Variants in CHD1L observed in about 807,000 individuals in gnomAD.
The protein encoded by CHD1L is chromodomain helicase DNA binding protein 1 like.
A neutral mutation model predicts 115.9 loss-of-function variants in CHD1L; 118 were observed. That is an observed-to-expected ratio of 1.02 (90% CI 0.88 to 1.19). The LOEUF is 1.19. CHD1L is among the 50% of genes most tolerant of loss of function. CHD1L has a pLI of 0.00. For missense variants in CHD1L, 1,179 were observed against 1,065.3 expected (o/e 1.11, Z -1.49); for synonymous variants, 411 against 387.1 (o/e 1.06, Z -0.72).
chr1:147,194,099 C>T, the CHD1L span, among the ~76,000 whole-genome samples: 2 of 152,084 alleles, frequency 1.3e-5, no homozygotes, highest in African/African-American at 4.8e-5. Flanking sequence ...CTAATGTTGA[C>T]AGTGGGGTGT....
At position 147,279,880 on chromosome 1, in the gene CHD1L, C is replaced by A. The variant is rs1384511055; in HGVS notation, c.1540-146C>A. 32 of 714,432 alleles carry A rather than the reference C, an allele frequency of 4.5e-5. No individual in the cohort carries two copies. In the East Asian group the frequency reaches 8.2e-4, roughly 18 times the overall value. The allele number at this position is 714,432 out of a possible 1,614,324, so 44.3% of individuals were successfully genotyped here. A position where few individuals can be genotyped will look rare whatever the true frequency, so the allele number is the denominator to read the frequency against. ...AACTATTAAATGGCCCTGGCTGTTA[C>A]TATCTATGATGGGGAGAGCAGAAAG... On this transcript the variant is annotated intron_variant, in intron 14 of 22. Transcript: ENST00000369258.
the CHD1L span, chr1:147,186,759 AG>A: frequency 3.4e-6 from 5 of 1,449,518 alleles, no homozygotes; most frequent in Non-Finnish European, 4.5e-6. Context: ...TGTAGGAAAA[AG>A]GAAAGTGAAT....
rs782363231 is a variant in CHD1L, at chr1:147,275,346, GTT to G, written c.1271-5_1271-4del. On this transcript the variant is annotated splice_region_variant and splice_polypyrimidine_tract_variant and intron_variant, in intron 12 of 22. Coordinates refer to ENST00000369258, the MANE Select transcript of CHD1L (RefSeq NM_004284.6). ...TGCTGATTACATTCCTTTTTGCATT[GTT>G]TTCAGGTGGAGTTGGCATGAACTTA... is the stretch of plus-strand genomic sequence containing the variant. The G allele has an allele frequency of 2.5e-6, 4 of 1,605,488 alleles. No individual in the cohort carries two copies. The highest frequency in any genetic ancestry group is 3.4e-6 in the Non-Finnish European group (4 of 1,172,690).
intron 16 of CHD1L, among the ~76,000 whole-genome samples, 180 bp from the exon 17 acceptor site, chr1:147,285,144 T>C (rs1370297523): frequency 2.0e-5 from 3 of 152,160 alleles, no homozygotes; most frequent in Admixed American, 6.5e-5. Flanking sequence ...GCCTGTGAAG[T>C]GTGTAGTATG....
At chr1:147,186,680 C>T in the CHD1L span, 3 of 1,369,034 alleles carry the variant, frequency 2.2e-6, no homozygotes, top group South Asian at 1.7e-5. Context: ...CTAGGGATTA[C>T]CACAAGGAAG....
the CHD1L span, among the ~76,000 whole-genome samples, chr1:147,207,857 C>A: frequency 9.9e-5 from 15 of 152,180 alleles, no homozygotes; most frequent in Non-Finnish European, 1.9e-4. Flanking sequence ...TATATCATCC[C>A]TGGGTCAGGA....
the CHD1L span, chr1:147,223,551 G>C: frequency 6.5e-6 from 1 of 153,518 alleles, no homozygotes; most frequent in East Asian, 1.9e-4. Context: ...AGCCACCCAA[G>C]ATGCCAATAG....
the CHD1L span, among the ~76,000 whole-genome samples, chr1:147,190,691 T>C: frequency 6.6e-6 from 1 of 152,158 alleles, no homozygotes; most frequent in Non-Finnish European, 1.5e-5. Flanking sequence ...TTTTTTGTTT[T>C]TATTATTATA....
At chr1:147,277,148 A>G (rs1444688516) in intron 14 of CHD1L, among the ~76,000 whole-genome samples, 2 of 152,212 alleles carry the variant, frequency 1.3e-5, no homozygotes, top group African/African-American at 2.4e-5. Flanking sequence ...TTTTAGGAAG[A>G]TAAAGAGAAT....
intron 9 of CHD1L, among the ~76,000 whole-genome samples, chr1:147,268,006 T>C (rs1674627058): frequency 6.6e-6 from 1 of 152,162 alleles, no homozygotes. Context: ...CCAATGGTTA[T>C]TTGTTAGTTC....
chr1:147,212,334 TC>T, the CHD1L span: 1 of 1,580,238 alleles, frequency 6.3e-7, no homozygotes, highest in Non-Finnish European at 8.7e-7. Context: ...ACCTGCAGCT[TC>T]CTTGGAGAAA....
intron 20 of CHD1L, 93 bp from the exon 21 acceptor site, chr1:147,293,515 C>A: frequency 1.1e-6 from 1 of 940,094 alleles, no homozygotes; most frequent in Non-Finnish European, 1.7e-6. Flanking sequence ...GCCCAAGTGA[C>A]CCATCAAGGG....
the CHD1L span, chr1:147,225,061 C>T: frequency 8.1e-6 from 13 of 1,613,888 alleles, no homozygotes; most frequent in Non-Finnish European, 9.3e-6. Context: ...GTTAGTGTCG[C>T]CTGTCCTAAA....
At chr1:147,229,947 T>A in the CHD1L span, among the ~76,000 whole-genome samples, 3 of 150,628 alleles carry the variant, frequency 2.0e-5, no homozygotes, top group Non-Finnish European at 2.9e-5. Flanking sequence ...CAATCATGTC[T>A]TCTGCCAACA....
At chr1:147,188,269 T>C in the CHD1L span, among the ~76,000 whole-genome samples, 17 of 152,130 alleles carry the variant, frequency 1.1e-4, no homozygotes, top group Non-Finnish European at 2.1e-4. Flanking sequence ...ATGCCTGTAA[T>C]CCTAGCACTT....
In CHD1L at chr1:147,264,493, C is replaced by T. The variant is rs1241511643; in HGVS notation, c.648C>T (p.Leu216=). 8.1e-6 allele frequency: 13 copies of T among 1,614,052 alleles called. No homozygotes were observed. The highest frequency in any genetic ancestry group is 1.0e-5 in the Non-Finnish European group (12 of 1,179,956). The change falls in exon 7 of 23, where the codon CTC becomes CTT. Residue 216 remains leucine (L), a synonymous_variant. Transcript: ENST00000369258. ...ACAGCCTCCAAGAGCTCTACTCCCT[C>T]CTCAGTTTTGTGGAGCCTGATCTCT... ...IQNSLQELYS[L]LSFVEPDLFS...
the CHD1L span, among the ~76,000 whole-genome samples, chr1:147,195,272 T>A: frequency 6.6e-6 from 1 of 152,088 alleles, no homozygotes; most frequent in African/African-American, 2.4e-5. Flanking sequence ...CTTCCATCAC[T>A]GATATCCTAC....
In CHD1L at chr1:147,258,587, C is replaced by A. The variant is rs587648428; in HGVS notation, c.495-1250C>A. Among the ~76,000 whole-genome samples, 3 of 152,314 alleles carry A rather than the reference C, an allele frequency of 2.0e-5. No individual in the cohort carries two copies. In the South Asian group the frequency reaches 6.2e-4, roughly 32 times the overall value. ...CTTCTCCTTCGACTTCCTGCACTCT[C>A]TTTGGACCCTCAGTCCTCCCTCTAC... On this transcript the variant is annotated intron_variant, in intron 5 of 22. Coordinates refer to ENST00000369258, the MANE Select transcript of CHD1L (RefSeq NM_004284.6).
chr1:147,272,508 A>G (rs1676631560), intron 12 of CHD1L: 1 of 394,910 alleles, frequency 2.5e-6, no homozygotes, highest in South Asian at 5.5e-5. Context: ...TTGGAAAGTA[A>G]TTCTAATCTG....
Sources: gnomAD v4.1 joint callset for allele counts (sites outside exome capture counted in the v4.1 genomes callset) on GRCh38, gnomAD v4.1.1 for gene constraint, MANE v1.5 for transcripts, NCBI Gene and HGNC (gene_info 2026-07-23, HGNC 2026-07-21) for gene names.